The following PPFIA2 variants were observed in gnomAD, a reference collection of about 807,000 sequenced individuals.
PPFIA2 encodes the protein liprin-alpha-2.
Under a neutral mutation model 175.5 loss-of-function variants are expected in PPFIA2, and 46 were observed. The observed-to-expected ratio is 0.26, with a 90% CI of 0.21 to 0.34. The LOEUF (loss-of-function observed/expected upper bound fraction) is 0.34. Ranked by LOEUF, PPFIA2 falls within the 10% of genes least tolerant of loss-of-function variation. The pLI is 1.00. For synonymous variants in PPFIA2, 568 were observed against 511.4 expected (o/e 1.11, Z -1.49); for missense variants, 1,179 against 1,506.1 (o/e 0.78, Z 3.60).
intron 30 of PPFIA2, among the ~76,000 whole-genome samples, chr12:81,266,294 AAAGAC>A (rs2037238543): frequency 6.6e-6 from 1 of 152,212 alleles, no homozygotes; most frequent in Non-Finnish European, 1.5e-5. Flanking sequence ...AAAAACTCAG[AAAGAC>A]TATTAAAATG....
intron 7 of PPFIA2, among the ~76,000 whole-genome samples, chr12:81,409,125 A>G (rs187639801): frequency 6.6e-6 from 1 of 152,300 alleles, no homozygotes; most frequent in East Asian, 1.9e-4. Context: ...AGTGAACACA[A>G]GAGATGGCTA....
chr12:81,476,533 T>A (rs1277715799), intron 4 of PPFIA2, among the ~76,000 whole-genome samples: 2 of 152,190 alleles, frequency 1.3e-5, no homozygotes, highest in East Asian at 3.9e-4. Context: ...TAAATCTATA[T>A]TTATATCACA....
chr12:81,505,139 G>C (rs1341704975), intron 4 of PPFIA2, among the ~76,000 whole-genome samples: 1 of 151,940 alleles, frequency 6.6e-6, no homozygotes, highest in Admixed American at 6.6e-5. Context: ...CAGTATTTTT[G>C]ACAAGTTCCT....
At chr12:81,364,978 C>T (rs1416572459) in intron 14 of PPFIA2, among the ~76,000 whole-genome samples, 1 of 151,532 alleles carries the variant, frequency 6.6e-6, no homozygotes, top group Non-Finnish European at 1.5e-5. Context: ...TGGCATGTTA[C>T]ATTTGAGGTA....
intron 8 of PPFIA2, among the ~76,000 whole-genome samples, chr12:81,396,601 C>T (rs750132058): frequency 6.6e-5 from 10 of 151,952 alleles, no homozygotes; most frequent in African/African-American, 9.7e-5. Flanking sequence ...TTTGAGCAGA[C>T]GATTGATGTG....
intron 4 of PPFIA2, among the ~76,000 whole-genome samples, chr12:81,673,579 C>T (rs920247681): frequency 1.3e-5 from 2 of 151,902 alleles, no homozygotes; most frequent in African/African-American, 4.8e-5. Flanking sequence ...ATTCTATGCT[C>T]TTATGCTGGA....
chr12:81,647,815 T>TA (rs1392183131), intron 4 of PPFIA2, among the ~76,000 whole-genome samples: 1 of 141,398 alleles, frequency 7.1e-6, no homozygotes, highest in African/African-American at 2.6e-5. Flanking sequence ...ATATATACTA[T>TA]AAAATATATA....
At chr12:81,459,750 G>C (rs1217885028) in intron 4 of PPFIA2, among the ~76,000 whole-genome samples, 1 of 152,034 alleles carries the variant, frequency 6.6e-6, no homozygotes, top group Non-Finnish European at 1.5e-5. Flanking sequence ...ATTCTGAGTA[G>C]GCTAGTGACT....
intron 7 of PPFIA2, among the ~76,000 whole-genome samples, chr12:81,410,688 C>G (rs2043777814): frequency 6.6e-6 from 1 of 151,990 alleles, no homozygotes; most frequent in East Asian, 1.9e-4. Flanking sequence ...TCTAATCCCA[C>G]AGAGACTGTC....
At chr12:81,460,847 T>C (rs942019708) in intron 4 of PPFIA2, among the ~76,000 whole-genome samples, 2 of 152,068 alleles carry the variant, frequency 1.3e-5, no homozygotes, top group African/African-American at 4.8e-5. Flanking sequence ...AAAATCTCAC[T>C]GAGGCCTAGA....
At chr12:81,525,555 G>T (rs1162471937) in intron 4 of PPFIA2, among the ~76,000 whole-genome samples, 1 of 152,132 alleles carries the variant, frequency 6.6e-6, no homozygotes, top group East Asian at 1.9e-4. Context: ...GAGCTTGGAA[G>T]AGGGCTCTGA....
At chr12:81,460,224 T>C (rs374742274) in intron 4 of PPFIA2, among the ~76,000 whole-genome samples, 1 of 152,106 alleles carries the variant, frequency 6.6e-6, no homozygotes, top group East Asian at 1.9e-4. Context: ...CCCTTCATAT[T>C]GCTTTCCTGA....
intron 4 of PPFIA2, among the ~76,000 whole-genome samples, chr12:81,647,892 C>G (rs1358133515): frequency 1.5e-5 from 2 of 137,620 alleles, no homozygotes; most frequent in Non-Finnish European, 3.1e-5. Context: ...TATATAAAAT[C>G]TTGAAGACAT....
intron 4 of PPFIA2, among the ~76,000 whole-genome samples, chr12:81,532,020 T>C (rs1009359088): frequency 6.6e-6 from 1 of 151,842 alleles, no homozygotes; most frequent in Non-Finnish European, 1.5e-5. Flanking sequence ...GTCAGCATGA[T>C]CTCAATGCAA....
At chr12:81,549,302 G>T (rs1025339194) in intron 4 of PPFIA2, among the ~76,000 whole-genome samples, 10 of 151,968 alleles carry the variant, frequency 6.6e-5, no homozygotes, top group Non-Finnish European at 1.3e-4. Context: ...TTCATAATTA[G>T]AAATAAAATC....
chr12:81,677,373 T>C (rs2072736418), intron 3 of PPFIA2, among the ~76,000 whole-genome samples: 1 of 152,018 alleles, frequency 6.6e-6, no homozygotes, highest in Admixed American at 6.6e-5. Context: ...CTTCTGGCTA[T>C]CATGAAATAT....
intron 3 of PPFIA2, among the ~76,000 whole-genome samples, chr12:81,700,420 T>G (rs2076355663): frequency 6.6e-6 from 1 of 152,118 alleles, no homozygotes; most frequent in Admixed American, 6.6e-5. Context: ...TTATAAAGAT[T>G]TTTGTCTACC....
At chr12:81,748,027 T>TCAATTAAGGAAACA (rs1296088889) in intron 3 of PPFIA2, among the ~76,000 whole-genome samples, 1 of 144,228 alleles carries the variant, frequency 6.9e-6, no homozygotes, top group Non-Finnish European at 1.6e-5. Context: ...AAACAGAGTT[T>TCAATTAAGGAAACA]GAGAGAAATC....
At chr12:81,315,608 G>A (rs564948314) in intron 22 of PPFIA2, among the ~76,000 whole-genome samples, 2 of 151,882 alleles carry the variant, frequency 1.3e-5, no homozygotes, top group African/African-American at 4.8e-5. Context: ...CATGATTTGT[G>A]GTGATGACAA....
Sources: gnomAD v4.1 joint callset for allele counts (sites outside exome capture counted in the v4.1 genomes callset) on GRCh38, gnomAD v4.1.1 for gene constraint, MANE v1.5 for transcripts, NCBI Gene and HGNC (gene_info 2026-07-23, HGNC 2026-07-21) for gene names.